Variants in MLST8 observed in about 807,000 individuals in gnomAD.
MLST8 encodes the protein MTOR associated protein MLST8.
A neutral mutation model predicts 41.3 loss-of-function variants in MLST8; 20 were observed. The ratio of observed to expected loss-of-function variants is 0.48; its 90% confidence interval spans 0.34 to 0.70. The LOEUF is 0.70. Ranked by LOEUF, MLST8 falls within the 30% of genes least tolerant of loss-of-function variation. The pLI is 0.01. For synonymous variants in MLST8, 243 were observed against 183.0 expected, an observed-to-expected ratio of 1.33 and a Z score of -2.65; for missense variants, 422 against 454.3, an observed-to-expected ratio of 0.93 and a Z score of 0.65.
At position 2,208,214 on chromosome 16, in the gene MLST8, ACTG is replaced by A; in HGVS notation, c.581_583del (p.Cys194del). 2 of 1,610,404 alleles carry A rather than the reference ACTG, an allele frequency of 1.2e-6. No homozygotes were observed. Among genetic ancestry groups the A allele is most frequent in the South Asian group, 1.1e-5 (1 of 90,758 alleles). ...GACGGTCCTCCTGACCTCTAGGGAA[ACTG>A]CTATGTCTGGAATCTGACGGGGGGC... is the stretch of plus-strand genomic sequence containing the variant. On this transcript the variant is annotated inframe_deletion, in exon 7 of 9. Transcript: ENST00000569417.
In MLST8 at chr16:2,208,546, C is replaced by G; in HGVS notation, c.795C>G (p.Pro265=). ...MTELSIKSGN[P]GESSRGWMWG... is the part of the protein sequence containing the mutation. ...AGCTGAGCATCAAGAGCGGCAACCC[C>G]GGGGAGTCCTCCCGCGGCTGGATGT... Residue 265 remains proline, a synonymous_variant, in exon 8 of 9, where the codon CCC becomes CCG. Transcript: ENST00000569417. The G allele has an allele frequency of 6.2e-7, 1 of 1,612,928 alleles. No homozygotes were observed. Among genetic ancestry groups the G allele is most frequent in the Non-Finnish European group, 8.5e-7 (1 of 1,179,788 alleles).
intron 2 of MLST8, 33 bp from the exon 3 acceptor site, chr16:2,206,325 C>T (rs27699): frequency 0.45 from 732,164 of 1,612,012 alleles, 173,842 homozygotes; most frequent in East Asian, 0.61. Context: ...GGCCTCAGGG[C>T]TACCTTCCCG....
rs377291980 is a variant in MLST8 at position 2,208,749 on chromosome 16, C to A, written c.863-10C>A. 2.5e-6 allele frequency: 4 copies of A among 1,613,800 alleles called. No individual in the cohort carries two copies. The African/African-American group carries it at 5.3e-5, about 22-fold the overall frequency. Reference sequence around the variant, plus strand: ...CTGCGCTCTTAGCCCTGCACAATCTCCCCCTCCAGCTTCCTCGGACAACCT... The same window carrying A: ...CTGCGCTCTTAGCCCTGCACAATCTACCCCTCCAGCTTCCTCGGACAACCT... On this transcript the variant is annotated splice_polypyrimidine_tract_variant and intron_variant, in intron 8 of 8. Transcript: ENST00000569417.
rs771576239 is a variant in MLST8, at chr16:2,208,781, G to T, written c.885G>T (p.Arg295=). Residue 295 remains arginine (R), a synonymous_variant, in exon 9 of 9, where the codon CGG becomes CGT. Transcript: ENST00000569417. ...IVTASSDNLA[R]LWCVETGEIK... ...CAGCTTCCTCGGACAACCTGGCCCG[G>T]CTCTGGTGTGTGGAGACTGGAGAGA... 6.2e-7 allele frequency: 1 copy of T among 1,614,022 alleles called. No individual in the cohort carries two copies. Among genetic ancestry groups the T allele is most frequent in the Admixed American group, 1.7e-5 (1 of 60,034 alleles).
intron 1 of MLST8, 163 bp downstream of exon 1, chr16:2,205,675 T>C (rs1025725700): frequency 1.9e-5 from 19 of 989,696 alleles, no homozygotes; most frequent in Non-Finnish European, 2.3e-5. Flanking sequence ...GGCCTGCCGC[T>C]GGCCTGCTAC....
rs1021123456 is a variant in MLST8, at chr16:2,209,015, G to A, written c.*138G>A. The A allele has an allele frequency of 6.4e-6, 6 of 934,258 alleles. No homozygotes were observed. The highest frequency in any genetic ancestry group is 5.8e-5 in the South Asian group (4 of 68,602). 57.9% of individuals were successfully genotyped at this position (934,258 alleles called of 1,614,324 possible). ...GCCCCCTGTGGCGCCTTGACCTGCT[G>A]GGCCAGGCTGCCCTGGGACTCTCAG... On this transcript the variant is annotated 3_prime_UTR_variant, in exon 9 of 9. Coordinates refer to ENST00000569417, the MANE Select transcript of MLST8 (RefSeq NM_022372.6).
chr16:2,208,264 C>T lies in MLST8; in HGVS notation c.628C>T (p.Leu210Phe). ...GGGCATTGGTGACGAGGTGACCCAG[C>T]TCATCCCCAAGACTAAGATCCCTGC... ...TGGIGDEVTQ[L>F]IPKTKIPAHT... Residue 210 changes from leucine to phenylalanine, a missense_variant, in exon 7 of 9, where the codon CTC becomes TTC. Transcript: ENST00000569417. The T allele has an allele frequency of 1.2e-6, 2 of 1,613,616 alleles. No individual in the cohort carries two copies. Among genetic ancestry groups the T allele is most frequent in the South Asian group, 1.1e-5 (1 of 91,070 alleles).
In MLST8 at chr16:2,207,220, G is replaced by C; in HGVS notation, c.448G>C (p.Gly150Arg). 1 of 1,614,126 alleles carries C rather than the reference G, an allele frequency of 6.2e-7. No individual in the cohort carries two copies. Among genetic ancestry groups the C allele is most frequent in the South Asian group, 1.1e-5 (1 of 91,092 alleles). ...AGAGCTCATCGTGGGTGACCAGAGC[G>C]GGGCTATCCACATCTGGGACTTGAA... ...QAELIVGDQSGAIHIWDLKTD... is the reference protein window; with the variant it reads ...QAELIVGDQSRAIHIWDLKTD... Residue 150 changes from glycine (G) to arginine (R), a missense_variant, in exon 6 of 9, where the codon GGG (glycine) becomes CGG (arginine). Physicochemically the swap from Gly to Arg is moderately radical, Grantham distance 125 (BLOSUM62 -2). Transcript: ENST00000569417.
chr16:2,209,394 C>G lies in MLST8; in HGVS notation c.*517C>G. On this transcript the variant is annotated 3_prime_UTR_variant, in exon 9 of 9. Coordinates refer to ENST00000569417, the MANE Select transcript of MLST8 (RefSeq NM_022372.6). ...GGGAGGTAATAAAAGCAGACCGACA[C>G]GCAGATGTTGCTCGGGAAGCAGATG... 6.2e-7 allele frequency: 1 copy of G among 1,613,748 alleles called. No homozygotes were observed. Among genetic ancestry groups the G allele is most frequent in the Non-Finnish European group, 8.5e-7 (1 of 1,179,936 alleles).
chr16:2,208,081 G>A (rs2093330931), intron 6 of MLST8, 129 bp from the exon 7 acceptor site: 1 of 1,124,002 alleles, frequency 8.9e-7, no homozygotes, highest in Non-Finnish European at 1.2e-6. Context: ...CAGGACCAGA[G>A]GGGCCTGCCT....
At position 2,208,897 on chromosome 16, in the gene MLST8, G is replaced by T; in HGVS notation, c.*20G>T. ...GGCTAGCCTGTGACCCCTCGGGACT[G>T]CCTGGTGCAGGTGGTGGCAGCTGGA... is the stretch of plus-strand genomic sequence containing the variant. On this transcript the variant is annotated 3_prime_UTR_variant, in exon 9 of 9. Coordinates refer to ENST00000569417, the MANE Select transcript of MLST8 (RefSeq NM_022372.6). 6.2e-7 allele frequency: 1 copy of T among 1,611,268 alleles called. No homozygotes were observed. The highest frequency in any genetic ancestry group is 8.5e-7 in the Non-Finnish European group (1 of 1,179,536).
chr16:2,209,094 C>T lies in MLST8; in HGVS notation c.*217C>T, dbSNP rs1296702538. ...AGCTCGACCCAAGCCAGGCTGCACA[C>T]TCCTGGACTGGGCTAGCCTGCACTG... is the stretch of plus-strand genomic sequence containing the variant. On this transcript the variant is annotated 3_prime_UTR_variant, in exon 9 of 9. Coordinates refer to ENST00000569417, the MANE Select transcript of MLST8 (RefSeq NM_022372.6). 1 of 645,372 alleles carries T rather than the reference C, an allele frequency of 1.5e-6. No homozygotes were observed. The highest frequency in any genetic ancestry group is 2.7e-6 in the Non-Finnish European group (1 of 374,248). 40.0% of individuals were successfully genotyped at this position (645,372 alleles called of 1,614,324 possible).
rs772539902 is a variant in MLST8, at chr16:2,208,747, C to T, written c.863-12C>T. 6 of 1,613,812 alleles carry T rather than the reference C, an allele frequency of 3.7e-6. No individual in the cohort carries two copies. Among genetic ancestry groups the T allele is most frequent in the Admixed American group, 1.7e-5 (1 of 60,010 alleles). ...ACCTGCGCTCTTAGCCCTGCACAATCTCCCCCTCCAGCTTCCTCGGACAAC... is the reference window on the plus strand; with the variant it reads ...ACCTGCGCTCTTAGCCCTGCACAATTTCCCCCTCCAGCTTCCTCGGACAAC... On this transcript the variant is annotated splice_polypyrimidine_tract_variant and intron_variant, in intron 8 of 8. Transcript: ENST00000569417.
rs1386507715 is a variant in MLST8, at chr16:2,207,403, T to C, written c.573+58T>C. ...AGCTTGGCACTCAGCCCTCAGCCTC[T>C]GCAGGTGGGCTTATTCCTGGATGTC... On this transcript the variant is annotated intron_variant, in intron 6 of 8. Coordinates refer to ENST00000569417, the MANE Select transcript of MLST8 (RefSeq NM_022372.6). 7.0e-6 allele frequency: 11 copies of C among 1,579,608 alleles called. No homozygotes were observed. In the East Asian group the frequency reaches 1.6e-4, roughly 23 times the overall value.
intron 7 of MLST8, 42 bp downstream of exon 7, chr16:2,208,376 G>A: frequency 5.0e-6 from 8 of 1,605,984 alleles, no homozygotes; most frequent in Non-Finnish European, 6.8e-6. Flanking sequence ...ACCTGCCTGG[G>A]CTGGGGGCTG....
rs932062180 is a variant in MLST8 at position 2,207,580 on chromosome 16, C to T, written c.573+235C>T. 2.0e-5 allele frequency: 11 copies of T among 562,552 alleles called. No individual in the cohort carries two copies. In the East Asian group the frequency reaches 2.1e-4, roughly 11 times the overall value. The allele number at this position is 562,552 out of a possible 1,614,324, so 34.8% of individuals were successfully genotyped here. A position where few individuals can be genotyped will look rare whatever the true frequency, so the allele number is the denominator to read the frequency against. On this transcript the variant is annotated intron_variant, in intron 6 of 8. Coordinates refer to ENST00000569417, the MANE Select transcript of MLST8 (RefSeq NM_022372.6). Reference sequence around the variant, plus strand: ...GAGTCTCTCCCAAGTCGATCCACTTCCCTCTTTTCACTCTGTTGCCTCCTG... The same window carrying T: ...GAGTCTCTCCCAAGTCGATCCACTTTCCTCTTTTCACTCTGTTGCCTCCTG...
chr16:2,206,001 C>G (rs370974584), intron 1 of MLST8, 30 bp from the exon 2 acceptor site: 4 of 1,509,374 alleles, frequency 2.7e-6, no homozygotes, highest in South Asian at 2.6e-5. Context: ...CAGAGAGTGT[C>G]TTCTAAGTAC....
At position 2,206,739 on chromosome 16, in the gene MLST8, G is replaced by C. The variant is rs750269365; in HGVS notation, c.344+80G>C. On this transcript the variant is annotated intron_variant, in intron 4 of 8. Transcript: ENST00000569417. ...CCGTTTTAGGTTGGGTTCTCTTCAA[G>C]CAGAGGCTGAGACAGGGAGCTTCCT... 3.9e-6 allele frequency: 6 copies of C among 1,522,412 alleles called. No individual in the cohort carries two copies. The South Asian group carries it at 6.7e-5, about 17-fold the overall frequency. 94.3% of individuals were successfully genotyped at this position (1,522,412 alleles called of 1,614,324 possible).
Position 2,206,512 on chromosome 16 carries a change from G to C in MLST8, c.197G>C (p.Arg66Pro), listed in dbSNP as rs373967086. Residue 66 changes from arginine to proline, a missense_variant, in exon 4 of 9, where the codon CGC becomes CCC. Arg to Pro is a moderately radical substitution (Grantham distance 103). Transcript: ENST00000569417. ...MIAAAGYQHI[R>P]MYDLNSNNPN... ...GTGTCCCTAGGTTACCAGCACATCC[G>C]CATGTATGATCTCAACTCCAATAAC... The C allele has an allele frequency of 5.0e-6, 8 of 1,611,202 alleles. No individual in the cohort carries two copies. Among genetic ancestry groups the C allele is most frequent in the South Asian group, 1.1e-5 (1 of 91,038 alleles).
Sources: gnomAD v4.1 joint callset for allele counts on GRCh38, gnomAD v4.1.1 for gene constraint, MANE v1.5 for transcripts, NCBI Gene and HGNC (gene_info 2026-07-23, HGNC 2026-07-21) for gene names.